The following BMPR1A variants were observed in gnomAD, a reference collection of about 807,000 sequenced individuals.
BMPR1A encodes bone morphogenetic protein receptor type-1A.
Under a neutral mutation model 66.0 loss-of-function variants are expected in BMPR1A, and 7 were observed. The observed-to-expected ratio is 0.11, with a 90% CI of 0.06 to 0.20. The LOEUF (loss-of-function observed/expected upper bound fraction) is 0.20. Ranked by LOEUF, BMPR1A falls within the 10% of genes least tolerant of loss-of-function variation. The pLI is 1.00. For synonymous variants in BMPR1A, 200 were observed against 229.7 expected, an observed-to-expected ratio of 0.87 and a Z score of 1.17; for missense variants, 408 against 669.1, an observed-to-expected ratio of 0.61 and a Z score of 4.31.
chr10:86,798,984 T>A (rs1302827822), intron 1 of BMPR1A, among the ~76,000 whole-genome samples: 1 of 152,212 alleles, frequency 6.6e-6, no homozygotes, highest in Non-Finnish European at 1.5e-5. Context: ...TTAGAGATTC[T>A]GGAAAGGAAC....
chr10:86,846,562 A>C (rs1589743965), intron 2 of BMPR1A, among the ~76,000 whole-genome samples: 1 of 152,022 alleles, frequency 6.6e-6, no homozygotes, highest in East Asian at 1.9e-4. Context: ...TTAGCCGGGC[A>C]TGGTGGTACA....
At position 86,790,177 on chromosome 10, in the gene BMPR1A, AAAAAAAAAAAAATATATAT is replaced by A. The variant is rs1268888886; in HGVS notation, c.-268+33260_-268+33278del. Among the ~76,000 whole-genome samples, 28 of 44,066 alleles carry A rather than the reference AAAAAAAAAAAAATATATAT, an allele frequency of 6.4e-4. 3 individuals are homozygous for A. The highest frequency in any genetic ancestry group is 2.2e-3 in the African/African-American group (23 of 10,630). 28.9% of individuals were successfully genotyped at this position (44,066 alleles called of 152,430 possible). A position where few individuals can be genotyped will look rare whatever the true frequency, so the allele number is the denominator to read the frequency against. ...ACTCTGTCTCCAAAAAAAAAAAAAA[AAAAAAAAAAAAATATATAT>A]ATATATATATATATATATATATATA... On this transcript the variant is annotated intron_variant, in intron 1 of 12. Transcript: ENST00000372037.
At chr10:86,892,101 T>G in intron 4 of BMPR1A, 26 bp from the exon 5 acceptor site, 1 of 1,566,986 alleles carries the variant, frequency 6.4e-7, no homozygotes, top group Non-Finnish European at 8.8e-7. Context: ...TTATGTTTTG[T>G]TTTGTTTTGT....
intron 1 of BMPR1A, among the ~76,000 whole-genome samples, chr10:86,800,991 G>C (rs1044816472): frequency 3.3e-5 from 5 of 152,174 alleles, no homozygotes; most frequent in African/African-American, 1.2e-4. Context: ...AAGAAACTTT[G>C]TATGTTTTGC....
chr10:86,783,463 C>T (rs1237283069), intron 1 of BMPR1A, among the ~76,000 whole-genome samples: 1 of 152,216 alleles, frequency 6.6e-6, no homozygotes, highest in African/African-American at 2.4e-5. Flanking sequence ...AATATAAGGT[C>T]TTCCAGTCCT....
intron 7 of BMPR1A, among the ~76,000 whole-genome samples, chr10:86,907,889 A>G (rs1843420155): frequency 6.6e-6 from 1 of 152,232 alleles, no homozygotes; most frequent in South Asian, 2.1e-4. Flanking sequence ...TACTAATAGA[A>G]GGAATAAGTT....
intron 1 of BMPR1A, among the ~76,000 whole-genome samples, chr10:86,782,716 C>T (rs1192323472): frequency 1.3e-5 from 2 of 151,758 alleles, no homozygotes; most frequent in African/African-American, 4.8e-5. Context: ...TGTTTTGTTA[C>T]TGAGTTGTAG....
intron 1 of BMPR1A, among the ~76,000 whole-genome samples, chr10:86,821,406 T>C (rs1215205595): frequency 6.6e-6 from 1 of 152,244 alleles, no homozygotes; most frequent in African/African-American, 2.4e-5. Context: ...ACATTATTTT[T>C]GTTTTTGCTT....
rs181485515 is a variant in BMPR1A, at chr10:86,869,625, C to G, written c.-152-6242C>G. Among the ~76,000 whole-genome samples the G allele has an allele frequency of 7.2e-3, 1,098 of 152,026 alleles. 34 individuals carry two copies. The East Asian group carries it at 0.078, about 11-fold the overall frequency. ...TACAAAAATTAGCTGGGCGTGATGG[C>G]GCATGCCTGTAATCTCAGCTACTCG... On this transcript the variant is annotated intron_variant, in intron 2 of 12. Transcript: ENST00000372037.
chr10:86,906,077 T>C (rs1321101713), intron 7 of BMPR1A, among the ~76,000 whole-genome samples: 1 of 152,204 alleles, frequency 6.6e-6, no homozygotes, highest in African/African-American at 2.4e-5. Context: ...CTGTAAGTCC[T>C]CTCAGCTTTT....
chr10:86,767,715 A>G (rs1163180445), intron 1 of BMPR1A, among the ~76,000 whole-genome samples: 1 of 152,088 alleles, frequency 6.6e-6, no homozygotes, highest in Non-Finnish European at 1.5e-5. Flanking sequence ...GAAACATTTG[A>G]GAATAGCTTT....
At chr10:86,763,998 A>T (rs181774518) in intron 1 of BMPR1A, among the ~76,000 whole-genome samples, 1 of 152,122 alleles carries the variant, frequency 6.6e-6, no homozygotes, top group East Asian at 1.9e-4. Flanking sequence ...TCACCGTGTT[A>T]GCCAGGATGG....
chr10:86,903,825 C>G (rs1181759896), intron 7 of BMPR1A, among the ~76,000 whole-genome samples: 2 of 152,060 alleles, frequency 1.3e-5, no homozygotes, highest in Non-Finnish European at 2.9e-5. Flanking sequence ...GCCAGATGGT[C>G]TCGATCTCCT....
Position 86,764,575 on chromosome 10 carries a change from T to A in BMPR1A, c.-268+7656T>A, listed in dbSNP as rs184926363. On this transcript the variant is annotated intron_variant, in intron 1 of 12. Transcript: ENST00000372037. Reference sequence around the variant, plus strand: ...CCTATTTGTTAAATATTTTTCCCTGTTTTCTTATTTGCTTACAATAGAAAA... The same window carrying A: ...CCTATTTGTTAAATATTTTTCCCTGATTTCTTATTTGCTTACAATAGAAAA... 2.0e-4 allele frequency among the ~76,000 whole-genome samples: 31 copies of A among 152,364 alleles called. 1 individual carries two copies. Among genetic ancestry groups the A allele is most frequent in the African/African-American group, 6.5e-4 (27 of 41,586 alleles).
chr10:86,764,502 T>C (rs1183011242), intron 1 of BMPR1A, among the ~76,000 whole-genome samples: 2 of 152,256 alleles, frequency 1.3e-5, no homozygotes, highest in African/African-American at 4.8e-5. Context: ...ACGTGTATAT[T>C]TTAGCAAAAA....
intron 1 of BMPR1A, among the ~76,000 whole-genome samples, chr10:86,802,255 G>A (rs940283708): frequency 3.3e-5 from 5 of 152,156 alleles, no homozygotes; most frequent in Non-Finnish European, 1.5e-5. Context: ...GGCTGAGGAT[G>A]GTGTCTTGTT....
intron 1 of BMPR1A, among the ~76,000 whole-genome samples, chr10:86,790,559 AATAG>A (rs767640008): frequency 1.3e-5 from 2 of 152,154 alleles, no homozygotes; most frequent in Non-Finnish European, 2.9e-5. Flanking sequence ...CCAACCGATA[AATAG>A]ATAAACAAAA....
chr10:86,889,347 A>G (rs1385003384), intron 3 of BMPR1A, among the ~76,000 whole-genome samples: 1 of 152,226 alleles, frequency 6.6e-6, no homozygotes, highest in Non-Finnish European at 1.5e-5. Context: ...ATTGGTCCCC[A>G]TGCTCTCATG....
intron 1 of BMPR1A, among the ~76,000 whole-genome samples, chr10:86,766,970 C>T (rs927312089): frequency 6.6e-6 from 1 of 151,992 alleles, no homozygotes; most frequent in Non-Finnish European, 1.5e-5. Context: ...ACAACAGGTG[C>T]ACGTCACCAT....
Sources: gnomAD v4.1 joint callset for allele counts (sites outside exome capture counted in the v4.1 genomes callset) on GRCh38, gnomAD v4.1.1 for gene constraint, MANE v1.5 for transcripts, NCBI Gene and HGNC (gene_info 2026-07-23, HGNC 2026-07-21) for gene names.